Variants in CNTNAP4 observed in about 807,000 individuals in gnomAD.
CNTNAP4 encodes contactin-associated protein-like 4.
A neutral mutation model predicts 148.4 loss-of-function variants in CNTNAP4; 98 were observed. That is an observed-to-expected ratio of 0.66 (90% CI 0.56 to 0.78). The LOEUF is 0.78. CNTNAP4 is among the 30% of genes least tolerant of loss of function. The pLI, the probability that CNTNAP4 is intolerant of heterozygous loss-of-function variation, is 0.00. For synonymous variants in CNTNAP4, 730 were observed against 565.1 expected (o/e 1.29, Z -4.14); for missense variants, 1,935 against 1,565.6 (o/e 1.24, Z -3.98).
At chr16:76,413,978 A>G (rs2078892738) in intron 3 of CNTNAP4, among the ~76,000 whole-genome samples, 4 of 151,350 alleles carry the variant, frequency 2.6e-5, no homozygotes, top group African/African-American at 9.6e-5. Flanking sequence ...AATTTCCTAC[A>G]TTTGCACTCA....
chr16:76,390,874 T>A (rs976384838), intron 3 of CNTNAP4, among the ~76,000 whole-genome samples: 6 of 152,114 alleles, frequency 3.9e-5, no homozygotes, highest in Admixed American at 1.3e-4. Context: ...TTTTAAAAAA[T>A]TTTTTGTGGG....
intron 4 of CNTNAP4, among the ~76,000 whole-genome samples, chr16:76,443,136 T>C (rs1361595344): frequency 1.3e-5 from 2 of 152,048 alleles, no homozygotes; most frequent in Middle Eastern, 3.2e-3. Context: ...GTAAAATATG[T>C]ATAATATATA....
intron 17 of CNTNAP4, among the ~76,000 whole-genome samples, chr16:76,525,855 A>G (rs2083708217): frequency 1.3e-5 from 2 of 148,216 alleles, no homozygotes; most frequent in African/African-American, 4.9e-5. Flanking sequence ...AATTACATAT[A>G]TAACTATATA....
chr16:76,461,055 G>A (rs2080942247), intron 8 of CNTNAP4, among the ~76,000 whole-genome samples: 2 of 151,824 alleles, frequency 1.3e-5, no homozygotes, highest in East Asian at 1.9e-4. Context: ...ATGGCCAACA[G>A]CACCCTAACT....
intron 2 of CNTNAP4, among the ~76,000 whole-genome samples, chr16:76,335,977 A>T (rs1197783723): frequency 6.6e-6 from 1 of 152,132 alleles, no homozygotes; most frequent in Non-Finnish European, 1.5e-5. Flanking sequence ...GAAGACCAAG[A>T]AGTGTGACCC....
At chr16:76,390,369 C>T in intron 3 of CNTNAP4, among the ~76,000 whole-genome samples, 1 of 152,110 alleles carries the variant, frequency 6.6e-6, no homozygotes, top group East Asian at 1.9e-4. Context: ...GCCTTAGAGG[C>T]CTGTGTGAGC....
chr16:76,535,463 T>C (rs1031024221), intron 17 of CNTNAP4, 82 bp from the exon 18 acceptor site: 3 of 1,487,998 alleles, frequency 2.0e-6, no homozygotes, highest in Non-Finnish European at 1.8e-6. Context: ...CCGTTCTCTG[T>C]AAGGCCTCAG....
intron 15 of CNTNAP4, among the ~76,000 whole-genome samples, chr16:76,517,899 G>A (rs1317230822): frequency 6.6e-6 from 1 of 151,906 alleles, no homozygotes; most frequent in Non-Finnish European, 1.5e-5. Context: ...TTTAAAAAAG[G>A]AATTCTATAA....
chr16:76,467,381 T>C lies in CNTNAP4; in HGVS notation c.1513T>C (p.Cys505Arg). Reference sequence around the variant, plus strand: ...TCCTGACAAAAGCTTTGGATCCAAATGTAAAAGTCCACTTGGTGGATTTCA... The same window carrying C: ...TCCTGACAAAAGCTTTGGATCCAAACGTAAAAGTCCACTTGGTGGATTTCA... ...GCPDKSFGSK[C>R]KSPLGGFQGC... The change falls in exon 10 of 24, where the codon TGT becomes CGT. Residue 505 changes from cysteine to arginine, a missense_variant. Coordinates refer to ENST00000611870, the MANE Select transcript of CNTNAP4 (RefSeq NM_033401.5). 1 of 1,613,920 alleles carries C rather than the reference T, an allele frequency of 6.2e-7. No homozygotes were observed. Among genetic ancestry groups the C allele is most frequent in the South Asian group, 1.1e-5 (1 of 91,074 alleles).
intron 2 of CNTNAP4, among the ~76,000 whole-genome samples, chr16:76,335,555 T>G (rs1288304417): frequency 6.6e-6 from 1 of 152,120 alleles, no homozygotes; most frequent in East Asian, 1.9e-4. Context: ...GTATAAAGAA[T>G]CACTTTCTCT....
Position 76,539,776 on chromosome 16 carries a change from T to C in CNTNAP4, c.3278T>C (p.Phe1093Ser). The C allele has an allele frequency of 6.2e-7, 1 of 1,603,844 alleles. No homozygotes were observed. The highest frequency in any genetic ancestry group is 8.5e-7 in the Non-Finnish European group (1 of 1,175,012). The change falls in exon 20 of 24, where the codon TTT (phenylalanine) becomes TCT (serine). Residue 1093 changes from phenylalanine (F) to serine (S), a missense_variant. Transcript: ENST00000611870. Reference sequence around the variant, plus strand: ...TATCAAGAGCCTGATGTTGTTAACTTTGATTTTAAAAACATGGCTGATGGA... The same window carrying C: ...TATCAAGAGCCTGATGTTGTTAACTCTGATTTTAAAAACATGGCTGATGGA... ...NKYQEPDVVN[F>S]DFKNMADGQL...
chr16:76,479,659 C>A, intron 12 of CNTNAP4, 121 bp downstream of exon 12: 2 of 975,136 alleles, frequency 2.1e-6, no homozygotes, highest in Non-Finnish European at 1.5e-6. Flanking sequence ...ATGTATTGTT[C>A]CTTAGAAAAA....
At chr16:76,493,746 T>G (rs982429747) in intron 13 of CNTNAP4, among the ~76,000 whole-genome samples, 2 of 152,234 alleles carry the variant, frequency 1.3e-5, no homozygotes, top group African/African-American at 4.8e-5. Flanking sequence ...ATTCTTCATA[T>G]TAATGCATTT....
chr16:76,401,883 A>T (rs1174150225), intron 3 of CNTNAP4, among the ~76,000 whole-genome samples: 3 of 152,152 alleles, frequency 2.0e-5, no homozygotes, highest in African/African-American at 7.2e-5. Context: ...TGCATCCCAG[A>T]GATGAAGCCT....
intron 4 of CNTNAP4, among the ~76,000 whole-genome samples, chr16:76,442,553 GA>G (rs371477404): frequency 1.7e-3 from 263 of 152,218 alleles, no homozygotes; most frequent in African/African-American, 6.1e-3. Context: ...GGCTTCTGGT[GA>G]GGGCTTTTGC....
chr16:76,402,408 T>C (rs919851236), intron 3 of CNTNAP4, among the ~76,000 whole-genome samples: 9 of 152,074 alleles, frequency 5.9e-5, no homozygotes, highest in African/African-American at 2.2e-4. Context: ...TTGTCACTTC[T>C]AATTGTGTTT....
At chr16:76,347,797 T>C (rs1046388557) in intron 2 of CNTNAP4, among the ~76,000 whole-genome samples, 1 of 151,414 alleles carries the variant, frequency 6.6e-6, no homozygotes, top group African/African-American at 2.4e-5. Context: ...TGGAGGGCAG[T>C]GAACTGGGAA....
At chr16:76,489,953 A>T (rs1209471224) in intron 13 of CNTNAP4, 70 bp downstream of exon 13, 1 of 1,076,726 alleles carries the variant, frequency 9.3e-7, no homozygotes, top group East Asian at 2.9e-5. Flanking sequence ...GCTCCTGAGA[A>T]TTTTAAGTCT....
intron 12 of CNTNAP4, among the ~76,000 whole-genome samples, chr16:76,482,950 C>T (rs1463605443): frequency 6.6e-6 from 1 of 152,110 alleles, no homozygotes; most frequent in Non-Finnish European, 1.5e-5. Flanking sequence ...GAGAATTAAA[C>T]ATAACAAATG....
Sources: allele counts gnomAD v4.1 joint callset (sites outside exome capture counted in the v4.1 genomes callset), GRCh38; gene constraint gnomAD v4.1.1; transcripts MANE v1.5; gene names NCBI Gene and HGNC (gene_info 2026-07-23, HGNC 2026-07-21).